Variants in SUGCT observed in about 807,000 individuals in gnomAD.
SUGCT encodes succinyl-CoA:glutarate-CoA transferase, also known as succinyl-CoA:glutarate CoA-transferase.
In SUGCT, 41 loss-of-function variants were observed where a neutral mutation model predicts 55.0. That is an observed-to-expected ratio of 0.74 (90% CI 0.58 to 0.97). SUGCT has a LOEUF of 0.97. SUGCT is among the 50% of genes least tolerant of loss of function. SUGCT has a pLI of 0.00. For missense variants in SUGCT, 568 were observed against 547.8 expected (o/e 1.04, Z -0.37); for synonymous variants, 187 against 200.4 (o/e 0.93, Z 0.56).
chr7:40,499,722 A>G (rs376624885), intron 12 of SUGCT, among the ~76,000 whole-genome samples: 1 of 152,232 alleles, frequency 6.6e-6, no homozygotes, highest in Non-Finnish European at 1.5e-5. Context: ...TCTGTGCATT[A>G]TAGATGTATA....
At chr7:40,296,413 A>G (rs1395376989) in intron 8 of SUGCT, among the ~76,000 whole-genome samples, 2 of 152,098 alleles carry the variant, frequency 1.3e-5, no homozygotes. Flanking sequence ...TTGTGTACCC[A>G]TGTTTCTGGA....
At chr7:40,706,264 TG>T (rs1192876170) in intron 12 of SUGCT, among the ~76,000 whole-genome samples, 2 of 152,188 alleles carry the variant, frequency 1.3e-5, no homozygotes, top group African/African-American at 4.8e-5. Context: ...CCCAATACTT[TG>T]GGAGGCCGAG....
At chr7:40,710,488 A>C (rs1304138954) in intron 12 of SUGCT, among the ~76,000 whole-genome samples, 2 of 150,486 alleles carry the variant, frequency 1.3e-5, no homozygotes, top group Non-Finnish European at 2.9e-5. Context: ...CAGAGAACTT[A>C]TCTTTGGAGT....
the SUGCT span, among the ~76,000 whole-genome samples, chr7:40,903,999 C>T: frequency 1.3e-5 from 2 of 152,138 alleles, no homozygotes; most frequent in Admixed American, 6.5e-5. Context: ...CCAAGCTTGG[C>T]GCAGCTTACA....
At chr7:40,899,184 C>G in the SUGCT span, among the ~76,000 whole-genome samples, 2 of 152,186 alleles carry the variant, frequency 1.3e-5, no homozygotes, top group Admixed American at 1.3e-4. Context: ...CTGTGCACAG[C>G]TCTTGACCTT....
At chr7:40,670,346 AAAG>A (rs1801876893) in intron 12 of SUGCT, among the ~76,000 whole-genome samples, 2 of 152,218 alleles carry the variant, frequency 1.3e-5, no homozygotes, top group Middle Eastern at 3.4e-3. Flanking sequence ...GAAAGCCAAG[AAAG>A]AAAATCAATG....
intron 12 of SUGCT, among the ~76,000 whole-genome samples, chr7:40,547,348 G>A (rs1795044635): frequency 6.6e-6 from 1 of 152,176 alleles, no homozygotes; most frequent in African/African-American, 2.4e-5. Flanking sequence ...AATAATGGTT[G>A]ACCAAATGTC....
chr7:40,393,624 G>A (rs963509399), intron 9 of SUGCT, among the ~76,000 whole-genome samples: 1 of 152,104 alleles, frequency 6.6e-6, no homozygotes, highest in African/African-American at 2.4e-5. Context: ...GCTATTGAGA[G>A]GGAGGTGTTG....
intron 13 of SUGCT, among the ~76,000 whole-genome samples, chr7:40,803,683 C>T (rs1444871411): frequency 6.6e-6 from 1 of 152,092 alleles, no homozygotes; most frequent in Non-Finnish European, 1.5e-5. Context: ...TTAAAATGAT[C>T]ACAAAAGTAA....
intron 9 of SUGCT, among the ~76,000 whole-genome samples, chr7:40,388,487 C>G (rs1785240897): frequency 2.0e-5 from 3 of 152,132 alleles, no homozygotes; most frequent in Admixed American, 2.0e-4. Flanking sequence ...GCGATCTTGG[C>G]TCACTGCAAC....
intron 12 of SUGCT, among the ~76,000 whole-genome samples, chr7:40,582,800 C>T (rs1194437059): frequency 6.6e-6 from 1 of 152,098 alleles, no homozygotes; most frequent in Non-Finnish European, 1.5e-5. Context: ...AACTCCATGG[C>T]CGTCACAGAG....
intron 7 of SUGCT, among the ~76,000 whole-genome samples, chr7:40,247,859 T>C (rs150474550): frequency 1.2e-4 from 18 of 149,726 alleles, no homozygotes; most frequent in African/African-American, 4.1e-4. Flanking sequence ...TTTTGATAAG[T>C]AGTTTTAAGT....
intron 11 of SUGCT, among the ~76,000 whole-genome samples, chr7:40,469,684 T>G (rs1174665344): frequency 6.6e-6 from 1 of 151,500 alleles, no homozygotes; most frequent in Non-Finnish European, 1.5e-5. Context: ...GTCTAAAGAC[T>G]TAAAAGTGAG....
chr7:40,394,353 G>T (rs576116028), intron 9 of SUGCT, among the ~76,000 whole-genome samples: 2 of 152,014 alleles, frequency 1.3e-5, no homozygotes, highest in African/African-American at 4.8e-5. Flanking sequence ...AGGCTTCGTG[G>T]TCTATACAGT....
At chr7:41,011,921 T>C in the SUGCT span, among the ~76,000 whole-genome samples, 1 of 152,186 alleles carries the variant, frequency 6.6e-6, no homozygotes. Context: ...GCTTTAGAGC[T>C]ACTGTCTTTT....
At chr7:40,449,870 A>G (rs1422159705) in intron 10 of SUGCT, among the ~76,000 whole-genome samples, 1 of 152,166 alleles carries the variant, frequency 6.6e-6, no homozygotes, top group Non-Finnish European at 1.5e-5. Flanking sequence ...TCAAGGTTTT[A>G]GGAATTAAGA....
chr7:40,696,707 T>C (rs573506423), intron 12 of SUGCT, among the ~76,000 whole-genome samples: 45 of 152,340 alleles, frequency 3.0e-4, no homozygotes, highest in Admixed American at 6.5e-4. Flanking sequence ...AACTCTTTCA[T>C]GCTCAGCGAC....
At chr7:40,382,709 T>C (rs944003887) in intron 9 of SUGCT, among the ~76,000 whole-genome samples, 17 of 152,212 alleles carry the variant, frequency 1.1e-4, no homozygotes, top group Non-Finnish European at 1.9e-4. Flanking sequence ...GAAAACTTAG[T>C]TTGTATTGCA....
At chr7:40,320,745 C>A (rs192450715) in intron 9 of SUGCT, among the ~76,000 whole-genome samples, 1 of 151,080 alleles carries the variant, frequency 6.6e-6, no homozygotes, top group East Asian at 2.0e-4. Context: ...CTCACAAGGA[C>A]AGGTGATACT....
Sources: allele counts gnomAD v4.1 joint callset (sites outside exome capture counted in the v4.1 genomes callset), GRCh38; gene constraint gnomAD v4.1.1; transcripts MANE v1.5; gene names NCBI Gene and HGNC (gene_info 2026-07-23, HGNC 2026-07-21).